ZFAND3: variants seen among roughly 807,000 people sequenced by gnomAD.
The protein encoded by ZFAND3 is zinc finger AN1-type containing 3.
A neutral mutation model predicts 29.6 loss-of-function variants in ZFAND3; 10 were observed. The observed-to-expected ratio is 0.34, with a 90% CI of 0.21 to 0.57. ZFAND3 has a LOEUF of 0.57. ZFAND3 is among the 20% of genes least tolerant of loss of function. The probability of loss-of-function intolerance (pLI) is 0.86; values close to 1 mark genes in which losing one functional copy is unlikely to be tolerated. For synonymous variants in ZFAND3, 128 were observed against 112.6 expected (o/e 1.14, Z -0.87); for missense variants, 230 against 304.5 (o/e 0.76, Z 1.82).
At chr6:38,084,742 C>T (rs1764726176) in intron 4 of ZFAND3, among the ~76,000 whole-genome samples, 1 of 152,116 alleles carries the variant, frequency 6.6e-6, no homozygotes, top group Non-Finnish European at 1.5e-5. Context: ...GAGGTGAATA[C>T]CTACCTCTTA....
chr6:37,963,470 AAAAGT>A (rs1301744653), intron 2 of ZFAND3, among the ~76,000 whole-genome samples: 3 of 152,236 alleles, frequency 2.0e-5, no homozygotes, highest in African/African-American at 7.2e-5. Context: ...TAGTAGAAGA[AAAAGT>A]AAAGATACGA....
At chr6:37,983,343 C>CTTTTTTTTTTTTTTTTTTTTTTGTTTT (rs1762611831) in intron 2 of ZFAND3, among the ~76,000 whole-genome samples, 1 of 50,040 alleles carries the variant, frequency 2.0e-5, no homozygotes. Flanking sequence ...CAGTTTTTAT[C>CTTTTTTTTTTTTTTTTTTTTTTGTTTT]TTTTTTTTTT....
chr6:38,002,554 G>A (rs1487809489), intron 2 of ZFAND3, among the ~76,000 whole-genome samples: 1 of 152,064 alleles, frequency 6.6e-6, no homozygotes, highest in Admixed American at 6.6e-5. Flanking sequence ...TGTTGTGCCT[G>A]TAGTCCCAGC....
At chr6:37,939,866 C>G (rs752219921) in intron 2 of ZFAND3, among the ~76,000 whole-genome samples, 16 of 152,010 alleles carry the variant, frequency 1.1e-4, no homozygotes, top group Non-Finnish European at 2.9e-5. Flanking sequence ...ATGGTGAAAC[C>G]CCATCTCTAC....
chr6:38,089,928 A>G (rs934105564), intron 4 of ZFAND3, among the ~76,000 whole-genome samples: 6 of 152,162 alleles, frequency 3.9e-5, no homozygotes, highest in Admixed American at 6.5e-5. Flanking sequence ...ATCTCAGCTC[A>G]CTGCAATCTC....
chr6:38,033,701 A>G (rs564237856), intron 2 of ZFAND3, among the ~76,000 whole-genome samples: 13 of 152,300 alleles, frequency 8.5e-5, no homozygotes, highest in African/African-American at 2.9e-4. Context: ...CATAATTAGC[A>G]ACTGTGCCTT....
intron 4 of ZFAND3, among the ~76,000 whole-genome samples, chr6:38,105,980 C>A (rs79691172): frequency 6.6e-6 from 1 of 151,860 alleles, no homozygotes; most frequent in East Asian, 1.9e-4. Context: ...AATTGAGCCC[C>A]GTGGGTTCAG....
At chr6:38,042,188 G>T (rs980525981) in intron 2 of ZFAND3, among the ~76,000 whole-genome samples, 2 of 151,906 alleles carry the variant, frequency 1.3e-5, no homozygotes, top group Non-Finnish European at 2.9e-5. Flanking sequence ...TCTTAAAATA[G>T]AATTTGCTGC....
chr6:38,033,387 T>A (rs1206213848), intron 2 of ZFAND3, among the ~76,000 whole-genome samples: 1 of 152,194 alleles, frequency 6.6e-6, no homozygotes, highest in East Asian at 1.9e-4. Context: ...AATGTTTCTC[T>A]AGCTAGAGTT....
At chr6:37,944,319 A>G (rs1377908232) in intron 2 of ZFAND3, among the ~76,000 whole-genome samples, 3 of 152,178 alleles carry the variant, frequency 2.0e-5, no homozygotes, top group Non-Finnish European at 1.5e-5. Flanking sequence ...CTTGATGAAA[A>G]TCTTTATTAT....
intron 1 of ZFAND3, among the ~76,000 whole-genome samples, chr6:37,840,446 T>C (rs978178930): frequency 2.6e-5 from 4 of 152,264 alleles, no homozygotes; most frequent in African/African-American, 9.6e-5. Flanking sequence ...CACACTGTCT[T>C]GAGTACTTCC....
intron 2 of ZFAND3, among the ~76,000 whole-genome samples, chr6:37,971,725 A>C (rs1762390153): frequency 1.3e-5 from 2 of 151,424 alleles, no homozygotes; most frequent in Non-Finnish European, 2.9e-5. Context: ...GCAGTGGCTT[A>C]TGCCTGTAAT....
chr6:38,145,436 C>T (rs1766083942), intron 5 of ZFAND3, among the ~76,000 whole-genome samples: 1 of 152,164 alleles, frequency 6.6e-6, no homozygotes, highest in South Asian at 2.1e-4. Flanking sequence ...GGCACCTTTG[C>T]CTAATTATGG....
chr6:38,041,784 T>C lies in ZFAND3; in HGVS notation c.113-19809T>C, dbSNP rs1219710294. Among the ~76,000 whole-genome samples, 10 of 1,880 alleles carry C rather than the reference T, an allele frequency of 5.3e-3. 4 individuals are homozygous for C. The highest frequency in any genetic ancestry group is 0.029 in the Non-Finnish European group (6 of 206). 1.2% of individuals were successfully genotyped at this position (1,880 alleles called of 152,430 possible). On this transcript the variant is annotated intron_variant, in intron 2 of 5. Coordinates refer to ENST00000287218, the MANE Select transcript of ZFAND3 (RefSeq NM_021943.3). ...CCTCCTCCTCCTCCTCCTCCTCCTC[T>C]TCTTTCTTCTTCTTCTCCTCTTCTT...
rs947719279 is a variant in ZFAND3, at chr6:37,955,448, T to C, written c.112+25449T>C. 2.0e-5 allele frequency among the ~76,000 whole-genome samples: 3 copies of C among 152,218 alleles called. 1 individual carries two copies. The South Asian group carries it at 6.2e-4, about 32-fold the overall frequency. On this transcript the variant is annotated intron_variant, in intron 2 of 5. Transcript: ENST00000287218. ...CAGTTTACATTGGCCTTTAGTGATA[T>C]ATGTGCCATTCATTTCTGCTGTACA... is the stretch of plus-strand genomic sequence containing the variant.
At chr6:37,827,380 G>T (rs34745343) in intron 1 of ZFAND3, among the ~76,000 whole-genome samples, 19,886 of 152,188 alleles carry the variant, frequency 0.13, 2,118 homozygotes, top group African/African-American at 0.3. Context: ...TTGGTTCAAA[G>T]AATTTTTGAA....
intron 2 of ZFAND3, among the ~76,000 whole-genome samples, chr6:38,015,172 G>C (rs1356760375): frequency 1.3e-5 from 2 of 152,078 alleles, no homozygotes; most frequent in Non-Finnish European, 2.9e-5. Context: ...TGGATGCTTA[G>C]TTAGTTAACT....
At chr6:37,998,833 C>A (rs1351580302) in intron 2 of ZFAND3, among the ~76,000 whole-genome samples, 1 of 152,056 alleles carries the variant, frequency 6.6e-6, no homozygotes, top group Non-Finnish European at 1.5e-5. Context: ...AAGGATATAT[C>A]AGTAATGTGG....
chr6:37,961,736 T>C (rs1421678284), intron 2 of ZFAND3, among the ~76,000 whole-genome samples: 1 of 152,224 alleles, frequency 6.6e-6, no homozygotes, highest in African/African-American at 2.4e-5. Context: ...CAGAGAACTC[T>C]TGGATTTTGT....
Sources: allele counts gnomAD v4.1 joint callset (sites outside exome capture counted in the v4.1 genomes callset), GRCh38; gene constraint gnomAD v4.1.1; transcripts MANE v1.5; gene names NCBI Gene and HGNC (gene_info 2026-07-23, HGNC 2026-07-21).